PCDH7: variants seen among roughly 807,000 people sequenced by gnomAD.
PCDH7 encodes the protein protocadherin 7.
PCDH7 carries 17 observed loss-of-function variants against 58.9 expected under a neutral mutation model. The observed-to-expected ratio is 0.29, with a 90% CI of 0.20 to 0.43. PCDH7 has a LOEUF of 0.43. PCDH7 is among the 20% of genes least tolerant of loss of function. The probability of loss-of-function intolerance (pLI) is 1.00; values close to 1 mark genes in which losing one functional copy is unlikely to be tolerated. For missense variants in PCDH7, 1,274 were observed against 1,441.0 expected, an observed-to-expected ratio of 0.88 and a Z score of 1.88; for synonymous variants, 664 against 616.4, an observed-to-expected ratio of 1.08 and a Z score of -1.14.
chr4:30,921,285 C>A lies in PCDH7; in HGVS notation c.287+916C>A, dbSNP rs1359006439. On this transcript the variant is annotated intron_variant, in intron 2 of 3. Coordinates refer to the PCDH7 transcript ENST00000509759. ...AGAGAGAAAGGAAAGGAATCACACA[C>A]ATTTTATCCCTAGTAAAACTTGCAG... Among the ~76,000 whole-genome samples the A allele has an allele frequency of 2.0e-5, 3 of 152,084 alleles. No homozygotes were observed. In the East Asian group the frequency reaches 5.8e-4, roughly 29 times the overall value.
chr4:30,899,349 A>T (rs1479365997), intron 1 of PCDH7, among the ~76,000 whole-genome samples: 1 of 152,168 alleles, frequency 6.6e-6, no homozygotes, highest in Non-Finnish European at 1.5e-5. Context: ...CTTCCCTGAC[A>T]TGAATATTTT....
rs902836637 is a variant in PCDH7, at chr4:30,724,712, T to G, written c.3174+116T>G. ...TTTAAAGTTATTAAAATTTTAACAG[T>G]AGGAATTTAATGTTAATTTTTGCAC... On this transcript the variant is annotated intron_variant, in intron 1 of 1. Coordinates refer to ENST00000361762, the Ensembl canonical transcript of PCDH7. 5 of 1,454,108 alleles carry G rather than the reference T, an allele frequency of 3.4e-6. No individual in the cohort carries two copies. The African/African-American group carries it at 7.2e-5, about 21-fold the overall frequency. The allele number at this position is 1,454,108 out of a possible 1,614,324, so 90.1% of individuals were successfully genotyped here.
chr4:30,874,779 A>G (rs11722675), intron 1 of PCDH7, among the ~76,000 whole-genome samples: 13,533 of 151,868 alleles, frequency 0.089, 764 homozygotes, highest in Non-Finnish European at 0.12. Flanking sequence ...ATTTTAAACT[A>G]TCTTCTCCTC....
At chr4:31,025,474 T>C (rs538549715) in intron 3 of PCDH7, among the ~76,000 whole-genome samples, 5 of 152,310 alleles carry the variant, frequency 3.3e-5, no homozygotes, top group African/African-American at 1.2e-4. Context: ...AATGTTTTGA[T>C]CCCACTTAAC....
chr4:30,776,378 T>A (rs1722071158), intron 1 of PCDH7: 2 of 152,362 alleles, frequency 1.3e-5, no homozygotes, highest in Non-Finnish European at 1.5e-5. Flanking sequence ...ATATTTTGCT[T>A]AAGCAGATTT....
chr4:30,780,840 G>A (rs1400405726), intron 1 of PCDH7, among the ~76,000 whole-genome samples: 2 of 152,154 alleles, frequency 1.3e-5, no homozygotes. Context: ...AGGAAAAACA[G>A]CTCATGACGG....
At chr4:31,090,680 C>T (rs938827168) in intron 3 of PCDH7, among the ~76,000 whole-genome samples, 6 of 152,002 alleles carry the variant, frequency 3.9e-5, no homozygotes, top group Non-Finnish European at 1.5e-5. Flanking sequence ...ATTTTTCTTC[C>T]TCTATAACTC....
intron 3 of PCDH7, among the ~76,000 whole-genome samples, chr4:30,977,617 G>T (rs541031497): frequency 1.3e-5 from 2 of 152,188 alleles, no homozygotes; most frequent in Admixed American, 1.3e-4. Flanking sequence ...TTTTCACCAA[G>T]TGCACATTTT....
chr4:30,942,567 T>C (rs982101970), intron 2 of PCDH7, among the ~76,000 whole-genome samples: 1 of 152,034 alleles, frequency 6.6e-6, no homozygotes, highest in African/African-American at 2.4e-5. Flanking sequence ...AGATCAAAGA[T>C]GGCATGATGA....
chr4:31,005,091 G>A (rs901238189), intron 3 of PCDH7, among the ~76,000 whole-genome samples: 3 of 152,188 alleles, frequency 2.0e-5, no homozygotes, highest in Non-Finnish European at 4.4e-5. Flanking sequence ...GTAGTTAAGC[G>A]TATGTGGCCT....
chr4:30,963,961 T>TATC (rs1466302931), intron 3 of PCDH7, among the ~76,000 whole-genome samples: 3 of 152,184 alleles, frequency 2.0e-5, no homozygotes, highest in African/African-American at 7.2e-5. Flanking sequence ...ACAAACATAT[T>TATC]ATCTTTCTAT....
chr4:30,851,318 T>C (rs1221359797), intron 1 of PCDH7, among the ~76,000 whole-genome samples: 1 of 152,066 alleles, frequency 6.6e-6, no homozygotes, highest in Non-Finnish European at 1.5e-5. Context: ...CTCCAGTTAC[T>C]AAATATGTGA....
intron 3 of PCDH7, among the ~76,000 whole-genome samples, chr4:30,961,030 C>T (rs930150855): frequency 6.6e-6 from 1 of 152,076 alleles, no homozygotes; most frequent in African/African-American, 2.4e-5. Context: ...TGTTATTTGA[C>T]CTCAAAATGA....
intron 1 of PCDH7, among the ~76,000 whole-genome samples, chr4:30,751,617 GTA>G (rs200418982): frequency 6.6e-6 from 1 of 151,586 alleles, no homozygotes. Context: ...TAAAATATGA[GTA>G]TATATATATA....
At chr4:30,962,723 A>C (rs999009404) in intron 3 of PCDH7, among the ~76,000 whole-genome samples, 4 of 141,702 alleles carry the variant, frequency 2.8e-5, no homozygotes, top group African/African-American at 7.7e-5. Flanking sequence ...TTGAGGCTGC[A>C]GTGAGCCATG....
intron 3 of PCDH7, among the ~76,000 whole-genome samples, chr4:31,128,246 G>A (rs1016112659): frequency 2.0e-5 from 3 of 151,916 alleles, no homozygotes; most frequent in African/African-American, 7.3e-5. Context: ...CTCCTTAAAT[G>A]GATTCAGTCA....
intron 3 of PCDH7, among the ~76,000 whole-genome samples, chr4:30,986,084 A>C (rs1750941215): frequency 6.6e-6 from 1 of 152,216 alleles, no homozygotes; most frequent in Non-Finnish European, 1.5e-5. Context: ...TACCTGAAAT[A>C]GTTAAAAGAC....
chr4:30,879,708 T>A (rs1393835151), intron 1 of PCDH7, among the ~76,000 whole-genome samples: 1 of 152,132 alleles, frequency 6.6e-6, no homozygotes, highest in Non-Finnish European at 1.5e-5. Flanking sequence ...ATTTTACATA[T>A]TCATAACCCT....
intron 1 of PCDH7, among the ~76,000 whole-genome samples, chr4:30,870,778 C>G (rs1735477475): frequency 6.6e-6 from 1 of 152,140 alleles, no homozygotes. Context: ...CACCTCTTGT[C>G]TAATGCTTTG....
Sources: allele counts gnomAD v4.1 joint callset (sites outside exome capture counted in the v4.1 genomes callset), GRCh38; gene constraint gnomAD v4.1.1; transcripts MANE v1.5; gene names NCBI Gene and HGNC (gene_info 2026-07-23, HGNC 2026-07-21).